Variants in LRMDA observed in about 807,000 individuals in gnomAD.
The protein encoded by LRMDA is leucine rich melanocyte differentiation associated.
A neutral mutation model predicts 29.8 loss-of-function variants in LRMDA; 18 were observed. That is an observed-to-expected ratio of 0.60 (90% CI 0.42 to 0.90). The LOEUF (loss-of-function observed/expected upper bound fraction) is 0.90, where lower values mean the gene tolerates loss of function less well. Ranked by LOEUF, LRMDA falls within the 40% of genes least tolerant of loss-of-function variation. The pLI is 0.00. For missense variants in LRMDA, 273 were observed against 273.9 expected (o/e 1.00, Z 0.02); for synonymous variants, 125 against 109.4 (o/e 1.14, Z -0.89).
intron 2 of LRMDA, among the ~76,000 whole-genome samples, chr10:75,910,266 A>T (rs1845821962): frequency 6.6e-6 from 1 of 152,140 alleles, no homozygotes; most frequent in Non-Finnish European, 1.5e-5. Context: ...GCTCTTTTAG[A>T]TGAGTTGGAA....
At chr10:75,696,222 A>C (rs1842232179) in intron 2 of LRMDA, among the ~76,000 whole-genome samples, 1 of 152,232 alleles carries the variant, frequency 6.6e-6, no homozygotes, top group Non-Finnish European at 1.5e-5. Context: ...AAAATAGCAC[A>C]GATGTATTTC....
At chr10:76,475,409 G>A (rs1057281124) in intron 6 of LRMDA, among the ~76,000 whole-genome samples, 3 of 151,942 alleles carry the variant, frequency 2.0e-5, no homozygotes, top group South Asian at 2.1e-4. Context: ...CAAGTCCTTA[G>A]AGACCTACAA....
chr10:76,374,624 C>G (rs1407600363), intron 6 of LRMDA, among the ~76,000 whole-genome samples: 2 of 152,152 alleles, frequency 1.3e-5, no homozygotes, highest in African/African-American at 2.4e-5. Context: ...GTATACGACA[C>G]AAATAAGCAG....
intron 2 of LRMDA, among the ~76,000 whole-genome samples, chr10:75,713,483 C>T (rs1842461663): frequency 6.6e-6 from 1 of 152,136 alleles, no homozygotes; most frequent in African/African-American, 2.4e-5. Context: ...ATGCAATTTC[C>T]TGAGACCAGT....
intron 2 of LRMDA, among the ~76,000 whole-genome samples, chr10:75,749,475 C>A (rs868760487): frequency 6.6e-6 from 1 of 151,880 alleles, no homozygotes; most frequent in Non-Finnish European, 1.5e-5. Flanking sequence ...CATACACACA[C>A]ATATATATCT....
At chr10:75,463,460 A>G (rs1589151075) in intron 2 of LRMDA, among the ~76,000 whole-genome samples, 1 of 149,668 alleles carries the variant, frequency 6.7e-6, no homozygotes, top group East Asian at 2.0e-4. Flanking sequence ...GAGTCTTTGG[A>G]TGCTCGGGTG....
intron 5 of LRMDA, among the ~76,000 whole-genome samples, chr10:76,306,671 T>C (rs1293784906): frequency 2.0e-5 from 3 of 152,306 alleles, no homozygotes; most frequent in African/African-American, 4.8e-5. Context: ...AATGGGGAAA[T>C]GCTTTTGGAA....
chr10:76,284,628 T>A (rs1421272430), intron 5 of LRMDA, among the ~76,000 whole-genome samples: 1 of 152,108 alleles, frequency 6.6e-6, no homozygotes, highest in African/African-American at 2.4e-5. Flanking sequence ...AATCTTGGGT[T>A]TTTTTTGTAT....
At chr10:75,467,956 T>TCACA (rs61295526) in intron 2 of LRMDA, among the ~76,000 whole-genome samples, 8,056 of 129,924 alleles carry the variant, frequency 0.062, 313 homozygotes, top group East Asian at 0.16. Flanking sequence ...TGAGACTCCG[T>TCACA]CACACACACA....
intron 6 of LRMDA, among the ~76,000 whole-genome samples, chr10:76,483,699 C>T (rs11001797): frequency 6.7e-6 from 1 of 149,710 alleles, no homozygotes; most frequent in African/African-American, 2.5e-5. Flanking sequence ...CTAGCCAGGG[C>T]TTCAGGACTG....
At chr10:76,168,636 G>A (rs953276427) in intron 5 of LRMDA, among the ~76,000 whole-genome samples, 3 of 152,026 alleles carry the variant, frequency 2.0e-5, no homozygotes, top group Admixed American at 6.5e-5. Flanking sequence ...GAAAGGGGAT[G>A]ATGAGTAGAT....
At chr10:75,598,795 A>C (rs1055555198) in intron 2 of LRMDA, among the ~76,000 whole-genome samples, 1 of 152,204 alleles carries the variant, frequency 6.6e-6, no homozygotes, top group African/African-American at 2.4e-5. Flanking sequence ...GGAGGGGGCA[A>C]AAAAGCATAT....
intron 5 of LRMDA, among the ~76,000 whole-genome samples, chr10:76,144,763 C>G (rs899637993): frequency 2.8e-4 from 42 of 152,174 alleles, no homozygotes; most frequent in African/African-American, 9.4e-4. Context: ...GCATCCCTGT[C>G]TTGTGCCTGT....
chr10:75,984,488 C>T (rs1021668409), intron 2 of LRMDA, among the ~76,000 whole-genome samples: 9 of 152,222 alleles, frequency 5.9e-5, no homozygotes, highest in African/African-American at 9.6e-5. Context: ...TGGCTGGTCA[C>T]GGTCCAAGGG....
intron 6 of LRMDA, among the ~76,000 whole-genome samples, chr10:76,532,391 G>T (rs1175674011): frequency 2.0e-5 from 3 of 152,172 alleles, no homozygotes; most frequent in African/African-American, 7.2e-5. Context: ...GAGAAAGTTA[G>T]TTCCTTTATA....
intron 2 of LRMDA, among the ~76,000 whole-genome samples, chr10:75,626,239 G>A (rs1309967063): frequency 2.0e-5 from 3 of 152,090 alleles, no homozygotes; most frequent in Non-Finnish European, 4.4e-5. Flanking sequence ...AACAGCATGC[G>A]TGGTAAGATA....
intron 5 of LRMDA, among the ~76,000 whole-genome samples, chr10:76,166,323 CTTTTA>C (rs1188130675): frequency 6.6e-6 from 1 of 152,068 alleles, no homozygotes. Flanking sequence ...TTGTTTTTAA[CTTTTA>C]TTTTAAGTTC....
chr10:76,118,026 A>G (rs932061097), intron 5 of LRMDA, among the ~76,000 whole-genome samples: 8 of 152,156 alleles, frequency 5.3e-5, no homozygotes, highest in African/African-American at 1.9e-4. Flanking sequence ...TATGGTAGAG[A>G]CTTCCTGGTA....
At chr10:76,115,308 C>T (rs2132118145) in intron 5 of LRMDA, among the ~76,000 whole-genome samples, 1 of 152,356 alleles carries the variant, frequency 6.6e-6, no homozygotes, top group Middle Eastern at 3.4e-3. Context: ...AGTACAAGCA[C>T]AGATGTGCGA....
Sources: gnomAD v4.1 joint callset for allele counts (sites outside exome capture counted in the v4.1 genomes callset) on GRCh38, gnomAD v4.1.1 for gene constraint, MANE v1.5 for transcripts, NCBI Gene and HGNC (gene_info 2026-07-23, HGNC 2026-07-21) for gene names.